Variants in RAB27B observed in about 807,000 individuals in gnomAD.
RAB27B encodes the protein ras-related protein Rab-27B.
A neutral mutation model predicts 24.6 loss-of-function variants in RAB27B; 15 were observed. The ratio of observed to expected loss-of-function variants is 0.61; its 90% CI spans 0.41 to 0.94. RAB27B has a LOEUF of 0.94. RAB27B is among the 40% of genes least tolerant of loss of function. RAB27B has a pLI of 0.00. For synonymous variants in RAB27B, 105 were observed against 92.5 expected (o/e 1.14, Z -0.78); for missense variants, 261 against 266.8 (o/e 0.98, Z 0.15).
intron 1 of RAB27B, among the ~76,000 whole-genome samples, chr18:54,861,364 C>T (rs1912002160): frequency 6.6e-6 from 1 of 151,996 alleles, no homozygotes; most frequent in South Asian, 2.1e-4. Flanking sequence ...ATTTAATATC[C>T]TTTCATATAT....
intron 5 of RAB27B, among the ~76,000 whole-genome samples, chr18:54,888,536 A>G (rs1378602762): frequency 1.3e-5 from 2 of 152,104 alleles, no homozygotes; most frequent in Non-Finnish European, 2.9e-5. Context: ...CTCAATCAAT[A>G]GATGTAAAAC....
At chr18:54,772,578 A>G (rs1197800812) in intron 2 of RAB27B, among the ~76,000 whole-genome samples, 2 of 152,216 alleles carry the variant, frequency 1.3e-5, no homozygotes, top group Admixed American at 1.3e-4. Flanking sequence ...ATAGACATCC[A>G]GTGTGAAAAC....
intron 1 of RAB27B, among the ~76,000 whole-genome samples, chr18:54,866,674 G>T (rs146357643): frequency 2.4e-4 from 37 of 152,300 alleles, no homozygotes; most frequent in African/African-American, 8.7e-4. Context: ...GAGAGGGCAG[G>T]GGTCCCTCAG....
chr18:54,857,727 C>T (rs1004351040), intron 1 of RAB27B, among the ~76,000 whole-genome samples: 28 of 151,330 alleles, frequency 1.9e-4, no homozygotes, highest in Non-Finnish European at 2.4e-4. Flanking sequence ...GGCATGCAGA[C>T]GCAATGTGCA....
chr18:54,850,341 T>C lies in RAB27B; in HGVS notation c.-20+21641T>C, dbSNP rs1018917509. 1.6e-3 allele frequency among the ~76,000 whole-genome samples: 200 copies of C among 123,714 alleles called. 15 individuals are homozygous for C. The highest frequency in any genetic ancestry group is 4.7e-3 in the African/African-American group (116 of 24,878). 81.2% of individuals were successfully genotyped at this position (123,714 alleles called of 152,430 possible). ...TAAAAGCAAACAAACAGGATATATA[T>C]ATATATATATATATATATACATACA... On this transcript the variant is annotated intron_variant, in intron 1 of 5. Coordinates refer to ENST00000262094, the MANE Select transcript of RAB27B (RefSeq NM_004163.4).
chr18:54,755,792 G>A (rs1419679964), intron 2 of RAB27B, among the ~76,000 whole-genome samples: 10 of 152,186 alleles, frequency 6.6e-5, no homozygotes, highest in Non-Finnish European at 1.3e-4. Context: ...AGCCATCAGA[G>A]TTCCATCAGT....
At chr18:54,750,501 A>G (rs767631671) in intron 2 of RAB27B, among the ~76,000 whole-genome samples, 1 of 152,134 alleles carries the variant, frequency 6.6e-6, no homozygotes, top group Non-Finnish European at 1.5e-5. Context: ...GCTAACACTA[A>G]AGAAACAAAG....
chr18:54,756,138 A>C (rs1194199537), intron 2 of RAB27B, among the ~76,000 whole-genome samples: 1 of 152,248 alleles, frequency 6.6e-6, no homozygotes, highest in African/African-American at 2.4e-5. Flanking sequence ...GTATGAGGTG[A>C]TAATTGATTT....
chr18:54,755,936 T>A (rs1238877370), intron 2 of RAB27B, among the ~76,000 whole-genome samples: 10 of 152,172 alleles, frequency 6.6e-5, no homozygotes, highest in Non-Finnish European at 1.5e-4. Flanking sequence ...GTCACAGCCA[T>A]GTTTGAAATA....
chr18:54,882,116 T>G (rs1370611633), intron 3 of RAB27B, among the ~76,000 whole-genome samples: 1 of 152,150 alleles, frequency 6.6e-6, no homozygotes, highest in East Asian at 1.9e-4. Context: ...TTGAATAAAT[T>G]TTTTTGGTAT....
chr18:54,889,017 A>T (rs144271989), intron 5 of RAB27B, among the ~76,000 whole-genome samples: 1 of 152,202 alleles, frequency 6.6e-6, no homozygotes, highest in East Asian at 1.9e-4. Context: ...TGCCCATAAA[A>T]CTGGTTGTAA....
chr18:54,822,580 C>T (rs1412127112), intron 2 of RAB27B, among the ~76,000 whole-genome samples: 1 of 152,128 alleles, frequency 6.6e-6, no homozygotes, highest in African/African-American at 2.4e-5. Flanking sequence ...CTTATGTCCA[C>T]ACATACAATT....
rs1220984411 is a variant in RAB27B, at chr18:54,864,490, GT to G, written c.-19-13072del. On this transcript the variant is annotated intron_variant, in intron 1 of 5. Transcript: ENST00000262094. The stretch of plus-strand genomic sequence containing the variant: ...TCATGGTGTCTATTGAAGCACAAAA[GT>G]TTTTATTTTTTTTTCTTTTTTTGAG... 2.1e-5 allele frequency among the ~76,000 whole-genome samples: 3 copies of G among 141,572 alleles called. No individual in the cohort carries two copies. In the East Asian group the frequency reaches 6.1e-4, roughly 29 times the overall value. The allele number at this position is 141,572 out of a possible 152,430, so 92.9% of individuals were successfully genotyped here.
intron 2 of RAB27B, among the ~76,000 whole-genome samples, chr18:54,723,034 A>C (rs1029376172): frequency 6.6e-6 from 1 of 152,226 alleles, no homozygotes; most frequent in African/African-American, 2.4e-5. Context: ...AATGTCTGTG[A>C]TGGGTTTGGA....
At chr18:54,786,348 T>C (rs1353434334) in intron 2 of RAB27B, among the ~76,000 whole-genome samples, 1 of 152,212 alleles carries the variant, frequency 6.6e-6, no homozygotes, top group Non-Finnish European at 1.5e-5. Flanking sequence ...CTCTGTGTCA[T>C]CTCACACAGA....
At chr18:54,726,655 G>A (rs1334938959) in intron 2 of RAB27B, among the ~76,000 whole-genome samples, 2 of 151,598 alleles carry the variant, frequency 1.3e-5, no homozygotes, top group Admixed American at 6.6e-5. Flanking sequence ...TAATTCTACA[G>A]TAATAATACT....
At chr18:54,805,925 A>G (rs1004299393) in intron 2 of RAB27B, among the ~76,000 whole-genome samples, 7 of 152,140 alleles carry the variant, frequency 4.6e-5, no homozygotes, top group Non-Finnish European at 7.4e-5. Context: ...AAAATCATAC[A>G]TTGATTACTC....
chr18:54,760,548 G>A (rs911579367), intron 2 of RAB27B, among the ~76,000 whole-genome samples: 26 of 152,210 alleles, frequency 1.7e-4, no homozygotes, highest in Non-Finnish European at 4.4e-5. Context: ...AAGGATGGAA[G>A]CAGGGAGGCA....
At chr18:54,791,724 G>C (rs1004204426) in intron 2 of RAB27B, among the ~76,000 whole-genome samples, 2 of 152,198 alleles carry the variant, frequency 1.3e-5, no homozygotes, top group Admixed American at 1.3e-4. Context: ...ACCCTAGCAG[G>C]CCGACTCACA....
Sources: allele counts gnomAD v4.1 joint callset (sites outside exome capture counted in the v4.1 genomes callset), GRCh38; gene constraint gnomAD v4.1.1; transcripts MANE v1.5; gene names NCBI Gene and HGNC (gene_info 2026-07-23, HGNC 2026-07-21).